SNX27: variants seen among roughly 807,000 people sequenced by gnomAD.
SNX27 encodes sorting nexin 27, also known as sorting nexin-27.
In SNX27, 22 loss-of-function variants were observed where a neutral mutation model predicts 71.6. The observed-to-expected ratio is 0.31, with a 90% CI of 0.22 to 0.44. The LOEUF is 0.44. Among genes scored for constraint, SNX27 ranks in the 20% least tolerant of loss-of-function variants. SNX27 has a pLI of 1.00. For synonymous variants in SNX27, 269 were observed against 277.2 expected (o/e 0.97, Z 0.29); for missense variants, 531 against 698.6 (o/e 0.76, Z 2.70).
At chr1:151,693,654 C>G (rs1671566987) in intron 11 of SNX27, 171 bp downstream of exon 11, 8 of 1,612,836 alleles carry the variant, frequency 5.0e-6, no homozygotes. Context: ...CAAGGTTGGC[C>G]TCTGGATGGT....
chr1:151,696,401 TG>T lies in SNX27; in HGVS notation c.*1988del, dbSNP rs1671707591. 1 of 152,228 alleles carries T rather than the reference TG, an allele frequency of 6.6e-6. No homozygotes were observed. Among genetic ancestry groups the T allele is most frequent in the Non-Finnish European group, 1.5e-5 (1 of 68,046 alleles). The allele number at this position is 152,228 out of a possible 1,614,324, so 9.4% of individuals were successfully genotyped here. Reference sequence around the variant, plus strand: ...TGTAGTCAATTCTACTAAGCAGTGTTGGGGTGGTTGGAAAGTCTCTTTTTTG... The same window carrying T: ...TGTAGTCAATTCTACTAAGCAGTGTTGGGTGGTTGGAAAGTCTCTTTTTTG... On this transcript the variant is annotated 3_prime_UTR_variant, in exon 12 of 12. Coordinates refer to ENST00000458013, the MANE Select transcript of SNX27 (RefSeq NM_001330723.2).
chr1:151,677,898 A>G (rs1368297101), intron 7 of SNX27: 1 of 152,248 alleles, frequency 6.6e-6, no homozygotes, highest in African/African-American at 2.4e-5. Flanking sequence ...TTATTGAGGT[A>G]TAGTTTACAT....
At chr1:151,666,556 G>C (rs1397453728) in intron 6 of SNX27, 1 of 152,196 alleles carries the variant, frequency 6.6e-6, no homozygotes, top group Non-Finnish European at 1.5e-5. Context: ...GTTGCATTGA[G>C]ACTACAAAGG....
intron 11 of SNX27, chr1:151,693,727 G>T: frequency 6.3e-7 from 1 of 1,593,872 alleles, no homozygotes; most frequent in South Asian, 1.1e-5. Context: ...TTGGCTACAG[G>T]CTCTTCCATC....
chr1:151,643,178 G>A (rs970691197), intron 2 of SNX27, among the ~76,000 whole-genome samples: 1 of 148,086 alleles, frequency 6.8e-6, no homozygotes, highest in Admixed American at 6.8e-5. Flanking sequence ...TGGTCAGGCT[G>A]GTCTGGAACT....
At chr1:151,639,203 T>C (rs376196610) in intron 2 of SNX27, 84 bp downstream of exon 2, 2 of 1,228,294 alleles carry the variant, frequency 1.6e-6, no homozygotes, top group Non-Finnish European at 1.1e-6. Context: ...TAGTGGTAGA[T>C]AAAAGGCTGC....
At chr1:151,671,431 G>A (rs980707343) in intron 7 of SNX27, among the ~76,000 whole-genome samples, 1 of 151,678 alleles carries the variant, frequency 6.6e-6, no homozygotes, top group African/African-American at 2.4e-5. Context: ...AGAGGTGGGG[G>A]GTCTTGCTGT....
rs529674192 is a variant in SNX27, at chr1:151,637,850, C to G, written c.312-1038C>G. Among the ~76,000 whole-genome samples, 441 of 152,254 alleles carry G rather than the reference C, an allele frequency of 2.9e-3. 2 individuals are homozygous for G. Among genetic ancestry groups the G allele is most frequent in the Non-Finnish European group, 3.1e-3 (211 of 68,010 alleles). ...AAATCCCTAATGGTTTGGAACAGGA[C>G]TGAAAAAGAATTTAACTCTAAAGGG... On this transcript the variant is annotated intron_variant, in intron 1 of 11. Coordinates refer to ENST00000458013, the MANE Select transcript of SNX27 (RefSeq NM_001330723.2).
chr1:151,674,686 T>C (rs1237511303), intron 7 of SNX27, among the ~76,000 whole-genome samples: 2 of 151,808 alleles, frequency 1.3e-5, no homozygotes, highest in South Asian at 2.1e-4. Flanking sequence ...CAGAATTTGA[T>C]TGTTTCTTTT....
At chr1:151,646,598 CATA>C (rs1375082479) in intron 2 of SNX27, among the ~76,000 whole-genome samples, 1 of 148,266 alleles carries the variant, frequency 6.7e-6, no homozygotes, top group Non-Finnish European at 1.5e-5. Flanking sequence ...GTTGTATAGA[CATA>C]ATATATAGTA....
chr1:151,685,699 C>A (rs1182049083), intron 8 of SNX27, among the ~76,000 whole-genome samples: 5 of 152,160 alleles, frequency 3.3e-5, no homozygotes, highest in African/African-American at 7.2e-5. Flanking sequence ...ACAACAACAA[C>A]AAAAAATGCA....
At position 151,632,833 on chromosome 1, in the gene SNX27, G is replaced by A. The variant is rs191883739; in HGVS notation, c.312-6055G>A. On this transcript the variant is annotated intron_variant, in intron 1 of 11. Coordinates refer to ENST00000458013, the MANE Select transcript of SNX27 (RefSeq NM_001330723.2). The stretch of plus-strand genomic sequence containing the variant: ...CTCCTATTTCACACTTACAGATGTG[G>A]ATATTATATAATAATTTTTATTTTT... 9.3e-4 allele frequency among the ~76,000 whole-genome samples: 141 copies of A among 151,854 alleles called. 1 individual carries two copies. The highest frequency in any genetic ancestry group is 6.8e-3 in the Middle Eastern group (2 of 294).
Position 151,671,609 on chromosome 1 carries a change from G to A in SNX27, c.1149+2974G>A, listed in dbSNP as rs528430215. Among the ~76,000 whole-genome samples, 21 of 148,858 alleles carry A rather than the reference G, an allele frequency of 1.4e-4. No homozygotes were observed. The South Asian group carries it at 4.5e-3, about 32-fold the overall frequency. On this transcript the variant is annotated intron_variant, in intron 7 of 11. Coordinates refer to ENST00000458013, the MANE Select transcript of SNX27 (RefSeq NM_001330723.2). ...GTGGTTCCATATAAATTTTAGGATA[G>A]TTTTTTTTTTCTATTTTTGTGAAGA...
At chr1:151,646,007 T>C (rs1212968544) in intron 2 of SNX27, among the ~76,000 whole-genome samples, 1 of 152,234 alleles carries the variant, frequency 6.6e-6, no homozygotes, top group African/African-American at 2.4e-5. Flanking sequence ...AGGTTTTTCT[T>C]TATTTATAAT....
At chr1:151,635,769 G>A (rs897732839) in intron 1 of SNX27, among the ~76,000 whole-genome samples, 2 of 152,078 alleles carry the variant, frequency 1.3e-5, no homozygotes, top group Non-Finnish European at 2.9e-5. Flanking sequence ...ATATGACACT[G>A]GAAGTTTTTT....
chr1:151,618,862 C>T (rs1367687233), intron 1 of SNX27, among the ~76,000 whole-genome samples: 1 of 152,128 alleles, frequency 6.6e-6, no homozygotes, highest in African/African-American at 2.4e-5. Context: ...GTTTTCTGTG[C>T]TTCTTGGGCA....
intron 1 of SNX27, among the ~76,000 whole-genome samples, chr1:151,629,972 G>A (rs186488091): frequency 3.8e-4 from 57 of 151,806 alleles, no homozygotes; most frequent in African/African-American, 1.2e-3. Flanking sequence ...TTAGCAGGGC[G>A]TGGTGGCCTG....
Position 151,696,668 on chromosome 1 carries a change from T to TTTTTTTTTTTTTTC in SNX27, c.*2252_*2253insTTTTTTTTTTTTCT, listed in dbSNP as rs879141599. ...TTTTTTCTGTTTTTTTTTTTTTTTT[T>TTTTTTTTTTTTTTC]TCCCAGAGTCTTGCTCTGTCGCCCA... On this transcript the variant is annotated 3_prime_UTR_variant, in exon 12 of 12. Coordinates refer to ENST00000458013, the MANE Select transcript of SNX27 (RefSeq NM_001330723.2). 1 of 131,868 alleles carries TTTTTTTTTTTTTTC rather than the reference T, an allele frequency of 7.6e-6. No homozygotes were observed. Among genetic ancestry groups the TTTTTTTTTTTTTTC allele is most frequent in the African/African-American group, 3.0e-5 (1 of 33,846 alleles). 8.2% of individuals were successfully genotyped at this position (131,868 alleles called of 1,614,324 possible). A position where few individuals can be genotyped will look rare whatever the true frequency, so the allele number is the denominator to read the frequency against.
At chr1:151,643,629 C>T (rs144388020) in intron 2 of SNX27, among the ~76,000 whole-genome samples, 1,570 of 151,816 alleles carry the variant, frequency 0.01, 20 homozygotes, top group Middle Eastern at 0.037. Flanking sequence ...ATATACCATA[C>T]GTTCACCTAA....
Sources: gnomAD v4.1 joint callset for allele counts (sites outside exome capture counted in the v4.1 genomes callset) on GRCh38, gnomAD v4.1.1 for gene constraint, MANE v1.5 for transcripts, NCBI Gene and HGNC (gene_info 2026-07-23, HGNC 2026-07-21) for gene names.